HNRNPR: variants seen among roughly 807,000 people sequenced by gnomAD.
HNRNPR encodes the protein heterogeneous nuclear ribonucleoprotein R.
A neutral mutation model predicts 70.3 loss-of-function variants in HNRNPR; 4 were observed. That is an observed-to-expected ratio of 0.06 (90% CI 0.03 to 0.13). The LOEUF (loss-of-function observed/expected upper bound fraction) is 0.13, where lower values mean the gene tolerates loss of function less well. Ranked by LOEUF, HNRNPR falls within the 10% of genes least tolerant of loss-of-function variation. The pLI, the probability that HNRNPR is intolerant of heterozygous loss-of-function variation, is 1.00. For synonymous variants in HNRNPR, 241 were observed against 267.6 expected (o/e 0.90, Z 0.97); for missense variants, 423 against 788.5 (o/e 0.54, Z 5.55).
intron 5 of HNRNPR, among the ~76,000 whole-genome samples, chr1:23,323,960 T>C (rs1645858199): frequency 1.3e-5 from 2 of 152,128 alleles, no homozygotes; most frequent in Non-Finnish European, 2.9e-5. Context: ...AATAAGAGTG[T>C]AAAATTTGTA....
At chr1:23,331,764 A>C (rs967066039) in intron 5 of HNRNPR, among the ~76,000 whole-genome samples, 1 of 134,044 alleles carries the variant, frequency 7.5e-6, no homozygotes, top group East Asian at 2.5e-4. Context: ...AGCCAGGAGG[A>C]GTCTGAGGCT....
rs529051616 is a variant in HNRNPR, at chr1:23,332,954, T to C, written c.498+564A>G. 2.6e-5 allele frequency among the ~76,000 whole-genome samples: 4 copies of C among 152,028 alleles called. No homozygotes were observed. The East Asian group carries it at 5.8e-4, about 22-fold the overall frequency. On this transcript the variant is annotated intron_variant, in intron 5 of 10. Coordinates refer to ENST00000302271, the MANE Select transcript of HNRNPR (RefSeq NM_005826.5). Reference sequence around the variant, plus strand: ...ATCCCAGCACTTTGGGAGACCAAGGTGGGTGGATAACTTGAGGTCAGGAGT... The same window carrying C: ...ATCCCAGCACTTTGGGAGACCAAGGCGGGTGGATAACTTGAGGTCAGGAGT...
At chr1:23,343,762 C>CTCAGG (rs1359235711) in intron 1 of HNRNPR, among the ~76,000 whole-genome samples, 2 of 152,222 alleles carry the variant, frequency 1.3e-5, no homozygotes, top group African/African-American at 4.8e-5. Flanking sequence ...CCGCCTTCCG[C>CTCAGG]CCCCCACCCC....
chr1:23,310,962 T>C lies in HNRNPR; in HGVS notation c.1394A>G (p.Tyr465Cys), dbSNP rs1645310102. 6.2e-7 allele frequency: 1 copy of C among 1,614,058 alleles called. No individual in the cohort carries two copies. Among genetic ancestry groups the C allele is most frequent in the Admixed American group, 1.7e-5 (1 of 60,012 alleles). ...ATCATCATAGTAATCTTCATAGCCG[T>C]AGTAATCTGGAGGGTAGCCATATCC... ...RGGYGYPPDY[Y>C]GYEDYYDDYY... The change falls in exon 11 of 11, where the codon TAC becomes TGC. Residue 465 changes from tyrosine (Y) to cysteine (C), a missense_variant. Tyr to Cys is a radical substitution (Grantham distance 194). Around this residue, in one of 7 missense-constraint regions of HNRNPR, gnomAD observed 169 missense variants for 195.6 expected, o/e 0.86. Transcript: ENST00000302271. The surrounding 1 kb of genome is among the most constrained non-coding windows in gnomAD (Gnocchi z 6.0).
chr1:23,329,268 A>C lies in HNRNPR; in HGVS notation c.498+4250T>G, dbSNP rs1646122609. ...CAGGAAATATCTTCATTTCAAGATC[A>C]ATTTAACTTAGGACCTAAAAAGAAT... is the stretch of plus-strand genomic sequence containing the variant. On this transcript the variant is annotated intron_variant, in intron 5 of 10. Transcript: ENST00000302271. Among the ~76,000 whole-genome samples, 6 of 152,362 alleles carry C rather than the reference A, an allele frequency of 3.9e-5. No individual in the cohort carries two copies. In the South Asian group the frequency reaches 1.2e-3, roughly 32 times the overall value.
At chr1:23,339,017 T>C (rs1055098617) in intron 2 of HNRNPR, among the ~76,000 whole-genome samples, 1 of 152,186 alleles carries the variant, frequency 6.6e-6, no homozygotes, top group Non-Finnish European at 1.5e-5. Flanking sequence ...ACCTTCAAAT[T>C]ACAGACGGTT....
At chr1:23,322,211 A>G (rs1265562385) in intron 6 of HNRNPR, among the ~76,000 whole-genome samples, 1 of 152,036 alleles carries the variant, frequency 6.6e-6, no homozygotes, top group African/African-American at 2.4e-5. Context: ...AAATCACTAT[A>G]GTGGATTTTC....
intron 1 of HNRNPR, among the ~76,000 whole-genome samples, chr1:23,341,947 A>G (rs1318935189): frequency 6.6e-6 from 1 of 152,208 alleles, no homozygotes; most frequent in Non-Finnish European, 1.5e-5. Context: ...ACAATAAACC[A>G]TACAAGGCCA....
rs1019797283 is a variant in HNRNPR, at chr1:23,323,732, C to T, written c.499G>A (p.Val167Ile). 2 of 1,613,388 alleles carry T rather than the reference C, an allele frequency of 1.2e-6. No individual in the cohort carries two copies. Among genetic ancestry groups the T allele is most frequent in the Non-Finnish European group, 8.5e-7 (1 of 1,179,412 alleles). ...SGVQPGIGTE[V>I]FVGKIPRDLY... ...TCCCTTGGTATTTTGCCTACAAATACCTGAAATAAAACCCCCTTATTAGAA... is the reference window on the plus strand; with the variant it reads ...TCCCTTGGTATTTTGCCTACAAATATCTGAAATAAAACCCCCTTATTAGAA... Residue 167 changes from valine (V) to isoleucine (I), a missense_variant and splice_region_variant, in exon 6 of 11, where the codon GTA becomes ATA. Physicochemically the swap from Val to Ile is conservative, Grantham distance 29. Coordinates refer to ENST00000302271, the MANE Select transcript of HNRNPR (RefSeq NM_005826.5).
intron 9 of HNRNPR, among the ~76,000 whole-genome samples, chr1:23,312,053 T>C (rs568362233): frequency 6.6e-6 from 1 of 152,318 alleles, no homozygotes; most frequent in Admixed American, 6.5e-5. Flanking sequence ...GTTCAGGTAC[T>C]CAGTAACAAA....
chr1:23,318,836 A>C lies in HNRNPR; in HGVS notation c.812-148T>G, dbSNP rs919461442. The stretch of plus-strand genomic sequence containing the variant: ...TAATTTTGTAGACAATTAGATCAAC[A>C]TAATTAGATATGGGGTTTGGGACAG... On this transcript the variant is annotated intron_variant, in intron 7 of 10. Coordinates refer to ENST00000302271, the MANE Select transcript of HNRNPR (RefSeq NM_005826.5). This position sits in a 1 kb window ranked among gnomAD's most constrained non-coding sequence, Gnocchi z 4.2. The C allele has an allele frequency of 1.5e-6, 1 of 675,882 alleles. No individual in the cohort carries two copies. The highest frequency in any genetic ancestry group is 2.5e-6 in the Non-Finnish European group (1 of 393,720). The allele number at this position is 675,882 out of a possible 1,614,324, so 41.9% of individuals were successfully genotyped here. A position where few individuals can be genotyped will look rare whatever the true frequency, so the allele number is the denominator to read the frequency against.
intron 5 of HNRNPR, among the ~76,000 whole-genome samples, 170 bp from the exon 6 acceptor site, chr1:23,323,902 A>G (rs918519440): frequency 6.6e-6 from 1 of 152,160 alleles, no homozygotes; most frequent in Non-Finnish European, 1.5e-5. Context: ...TTTTTATTAT[A>G]ATGACCTTAG....
intron 4 of HNRNPR, among the ~76,000 whole-genome samples, chr1:23,336,303 C>T (rs1245110907): frequency 1.3e-5 from 2 of 151,070 alleles, no homozygotes; most frequent in African/African-American, 4.9e-5. Context: ...CGGTGGCTCA[C>T]GCCTGTAATC....
At chr1:23,324,033 C>T (rs1645862676) in intron 5 of HNRNPR, among the ~76,000 whole-genome samples, 1 of 151,964 alleles carries the variant, frequency 6.6e-6, no homozygotes, top group Non-Finnish European at 1.5e-5. Flanking sequence ...ATAAAGGAGG[C>T]TGGACGCAGC....
At chr1:23,330,603 A>C (rs1646181496) in intron 5 of HNRNPR, among the ~76,000 whole-genome samples, 1 of 152,188 alleles carries the variant, frequency 6.6e-6, no homozygotes, top group Non-Finnish European at 1.5e-5. Context: ...AAGAATACAA[A>C]AATACTACAA....
chr1:23,311,227 A>G lies in HNRNPR; in HGVS notation c.1263T>C (p.Ala421=). 5.0e-6 allele frequency: 8 copies of G among 1,613,780 alleles called. No homozygotes were observed. Among genetic ancestry groups the G allele is most frequent in the Non-Finnish European group, 6.8e-6 (8 of 1,179,994 alleles). Residue 421 remains alanine (A), a synonymous_variant, in exon 10 of 11, where the codon GCT becomes GCC. Transcript: ENST00000302271. ...CAGTGCTTCTGGAGGCCTGTCTAGC[A>G]GCTTGGCGCTCTTTCCTTTTCTTGT... ...PPDKKRKERQ[A]ARQASRSTAY... is the part of the protein sequence containing the mutation.
rs1282222071 is a variant in HNRNPR at position 23,305,678 on chromosome 1, A to T, written c.*4776T>A. On this transcript the variant is annotated 3_prime_UTR_variant, in exon 11 of 11. Transcript: ENST00000302271. ...GGAATCCCCTACAAACTATAAGATG[A>T]GGGATTTTAATCTTTAGCAATAATT... The T allele has an allele frequency of 7.9e-5, 12 of 152,170 alleles. No homozygotes were observed. The highest frequency in any genetic ancestry group is 2.9e-4 in the African/African-American group (12 of 41,568). 9.4% of individuals were successfully genotyped at this position (152,170 alleles called of 1,614,324 possible). A position where few individuals can be genotyped will look rare whatever the true frequency, so the allele number is the denominator to read the frequency against.
chr1:23,307,279 G>A lies in HNRNPR; in HGVS notation c.*3175C>T, dbSNP rs1466060401. Reference sequence around the variant, plus strand: ...ATGGGCAGGAGGCAAATGATGTAATGAGTTTCAAGAATAATATTATATGGC... The same window carrying A: ...ATGGGCAGGAGGCAAATGATGTAATAAGTTTCAAGAATAATATTATATGGC... On this transcript the variant is annotated 3_prime_UTR_variant, in exon 11 of 11. Transcript: ENST00000302271. The A allele has an allele frequency of 2.0e-5, 3 of 152,068 alleles. No homozygotes were observed. The highest frequency in any genetic ancestry group is 4.4e-5 in the Non-Finnish European group (3 of 67,962). The allele number at this position is 152,068 out of a possible 1,614,324, so 9.4% of individuals were successfully genotyped here.
In HNRNPR at chr1:23,337,774, G is replaced by T; in HGVS notation, c.364C>A (p.Pro122Thr). Residue 122 changes from proline (P) to threonine (T), a missense_variant, in exon 4 of 11, where the codon CCT (proline) becomes ACT (threonine). Physicochemically the swap from Pro to Thr is conservative, Grantham distance 38. This residue lies in a region of HNRNPR where 118 missense variants were observed against 239.3 expected (regional missense o/e 0.49). Transcript: ENST00000302271. Reference sequence around the variant, plus strand: ...TTTACCTTGATCTTCGCTTCATCAGGTCCCTTTGTGGACTCTTGCACCTTG... The same window carrying T: ...TTTACCTTGATCTTCGCTTCATCAGTTCCCTTTGTGGACTCTTGCACCTTG... ...GSKVQESTKGPDEAKIKALLE... is the reference protein window; with the variant it reads ...GSKVQESTKGTDEAKIKALLE... 1 of 1,610,350 alleles carries T rather than the reference G, an allele frequency of 6.2e-7. No individual in the cohort carries two copies. The highest frequency in any genetic ancestry group is 8.5e-7 in the Non-Finnish European group (1 of 1,177,568).
Sources: gnomAD v4.1 joint callset for allele counts (sites outside exome capture counted in the v4.1 genomes callset) on GRCh38, gnomAD v4.1.1 for gene constraint, gnomAD v4.1.1 regional missense constraint, Gnocchi (gnomAD v3.1) non-coding constraint, MANE v1.5 for transcripts, NCBI Gene and HGNC (gene_info 2026-07-23, HGNC 2026-07-21) for gene names.